The following AKT1 variants were observed in gnomAD, a reference collection of about 807,000 sequenced individuals.
AKT1 encodes the protein AKT serine/threonine kinase 1.
Under a neutral mutation model 63.1 loss-of-function variants are expected in AKT1, and 21 were observed. The observed-to-expected ratio is 0.33, with a 90% CI of 0.24 to 0.48. The LOEUF is 0.48. Ranked by LOEUF, AKT1 falls within the 20% of genes least tolerant of loss-of-function variation. The pLI is 0.99. For missense variants in AKT1, 382 were observed against 666.0 expected, an observed-to-expected ratio of 0.57 and a Z score of 4.69; for synonymous variants, 257 against 253.1, an observed-to-expected ratio of 1.02 and a Z score of -0.15.
chr14:104,777,730 G>A (rs375775887), intron 4 of AKT1: 3 of 985,556 alleles, frequency 3.0e-6, no homozygotes, highest in Non-Finnish European at 3.6e-6. Context: ...CCAGTGGGGG[G>A]CCTCTGACAT....
At chr14:104,781,536 G>A (rs61995960) in intron 3 of AKT1, among the ~76,000 whole-genome samples, 2,709 of 152,274 alleles carry the variant, frequency 0.018, 30 homozygotes, top group Non-Finnish European at 0.027. Flanking sequence ...CCACGGGGGA[G>A]TTCTTTAATA....
intron 8 of AKT1, chr14:104,774,320 G>A: frequency 2.6e-6 from 1 of 383,436 alleles, no homozygotes; most frequent in Non-Finnish European, 4.9e-6. Flanking sequence ...AGGAGTGTTT[G>A]AAAGGTGAGC....
intron 3 of AKT1, among the ~76,000 whole-genome samples, chr14:104,790,334 C>A (rs139001969): frequency 0.013 from 1,960 of 152,286 alleles, 30 homozygotes; most frequent in African/African-American, 0.044. Context: ...GGAGGACAGT[C>A]ACTGCGTCCC....
At chr14:104,793,065 A>C (rs1049203164) in intron 2 of AKT1, 62 bp downstream of exon 2, 56 of 237,842 alleles carry the variant, frequency 2.4e-4, no homozygotes, top group African/African-American at 4.3e-4. Flanking sequence ...CCCCATTCCC[A>C]CCTCCCCCAG....
intron 14 of AKT1, 128 bp downstream of exon 14, chr14:104,770,617 C>T: frequency 4.9e-6 from 5 of 1,014,368 alleles, no homozygotes; most frequent in Non-Finnish European, 7.3e-6. Flanking sequence ...ATCATTGGCA[C>T]TCTCCAAAAG....
At chr14:104,772,000 G>A (rs1892414390) in intron 13 of AKT1, 1 of 427,298 alleles carries the variant, frequency 2.3e-6, no homozygotes, top group African/African-American at 2.0e-5. Context: ...GAGGCCAAGG[G>A]GCAGCACCCC....
intron 3 of AKT1, among the ~76,000 whole-genome samples, chr14:104,785,911 T>TG (rs1468901481): frequency 6.6e-6 from 1 of 152,016 alleles, no homozygotes; most frequent in Non-Finnish European, 1.5e-5. Flanking sequence ...TCCATTCTCC[T>TG]GGGGCTCTAC....
intron 3 of AKT1, among the ~76,000 whole-genome samples, chr14:104,781,810 T>G (rs1235127920): frequency 2.0e-5 from 3 of 152,138 alleles, no homozygotes; most frequent in Non-Finnish European, 4.4e-5. Context: ...CACAGCCCAC[T>G]CATAGCTGCC....
At chr14:104,786,810 C>T (rs952926615) in intron 3 of AKT1, among the ~76,000 whole-genome samples, 5 of 152,144 alleles carry the variant, frequency 3.3e-5, no homozygotes, top group Non-Finnish European at 7.4e-5. Context: ...CAAGCTTGTG[C>T]AGCTCAGCGT....
At chr14:104,774,117 A>AC in intron 8 of AKT1, 137 bp from the exon 9 acceptor site, 1 of 766,392 alleles carries the variant, frequency 1.3e-6, no homozygotes, top group African/African-American at 1.7e-5. Flanking sequence ...ACTGCCCGAC[A>AC]CCACGCTGCC....
Position 104,770,715 on chromosome 14 carries a change from A to G in AKT1, c.1363+30T>C, listed in dbSNP as rs538965403. On this transcript the variant is annotated intron_variant, in intron 14 of 14. Coordinates refer to ENST00000649815, the MANE Select transcript of AKT1 (RefSeq NM_001382430.1). Reference sequence around the variant, plus strand: ...CTCTCTGAGTGTGGAGAGAAAAGGGAGTGGGCGGGGGCAGGCAGTGGCCCC... The same window carrying G: ...CTCTCTGAGTGTGGAGAGAAAAGGGGGTGGGCGGGGGCAGGCAGTGGCCCC... 7 of 1,580,806 alleles carry G rather than the reference A, an allele frequency of 4.4e-6. No individual in the cohort carries two copies. In the South Asian group the frequency reaches 7.7e-5, roughly 17 times the overall value.
rs781113409 is a variant in AKT1, at chr14:104,780,087, C to T, written c.175+1G>A. On this transcript the variant is annotated splice_donor_variant, in intron 4 of 14. Coordinates refer to ENST00000649815, the MANE Select transcript of AKT1 (RefSeq NM_001382430.1). LOFTEE classifies it high-confidence loss of function. Reference sequence around the variant, plus strand: ...TCCCGAGAGGCCAAGGGGATACTTACGCGCCACAGAGAAGTTGTTGAGGGG... The same window carrying T: ...TCCCGAGAGGCCAAGGGGATACTTATGCGCCACAGAGAAGTTGTTGAGGGG... 5 of 1,613,130 alleles carry T rather than the reference C, an allele frequency of 3.1e-6. No homozygotes were observed. Among genetic ancestry groups the T allele is most frequent in the African/African-American group, 2.7e-5 (2 of 74,916 alleles).
chr14:104,792,857 C>A, intron 2 of AKT1, 135 bp from the exon 3 acceptor site: 1 of 619,780 alleles, frequency 1.6e-6, no homozygotes, highest in Non-Finnish European at 2.9e-6. Context: ...GGCTGCCATC[C>A]CTCTAAGCTC....
At chr14:104,791,745 G>A (rs1004472232) in intron 3 of AKT1, among the ~76,000 whole-genome samples, 1 of 152,206 alleles carries the variant, frequency 6.6e-6, no homozygotes, top group Admixed American at 6.5e-5. Flanking sequence ...ACGTAAAGCC[G>A]GGGGGCTGCT....
At chr14:104,783,791 A>T (rs917234711) in intron 3 of AKT1, among the ~76,000 whole-genome samples, 11 of 152,132 alleles carry the variant, frequency 7.2e-5, no homozygotes, top group Non-Finnish European at 1.6e-4. Context: ...AGAACCCCCA[A>T]GTCCCCACCC....
In AKT1 at chr14:104,788,670, G is replaced by GC. The variant is rs367707548; in HGVS notation, c.46+3927dup. Among the ~76,000 whole-genome samples the GC allele has an allele frequency of 3.8e-3, 577 of 152,152 alleles. 5 individuals are homozygous for GC. The highest frequency in any genetic ancestry group is 0.013 in the African/African-American group (554 of 41,504). On this transcript the variant is annotated intron_variant, in intron 3 of 14. Transcript: ENST00000649815. The stretch of plus-strand genomic sequence containing the variant: ...GGAACCACTCTCTCCCTGCCTCAGT[G>GC]CCCCCCCGCAGGGACAGCCAGTGCC...
At chr14:104,790,060 C>T (rs1424181392) in intron 3 of AKT1, among the ~76,000 whole-genome samples, 1 of 152,236 alleles carries the variant, frequency 6.6e-6, no homozygotes, top group Non-Finnish European at 1.5e-5. Flanking sequence ...CCCTCACACA[C>T]AGGGCATACC....
chr14:104,788,671 C>G (rs992732318), intron 3 of AKT1, among the ~76,000 whole-genome samples: 2 of 150,906 alleles, frequency 1.3e-5, no homozygotes, highest in Non-Finnish European at 2.9e-5. Context: ...TGCCTCAGTG[C>G]CCCCCCGCAG....
rs1892292386 is a variant in AKT1 at position 104,770,141 on chromosome 14, C to T, written c.*200G>A. The T allele has an allele frequency of 6.5e-6, 4 of 618,136 alleles. No homozygotes were observed. Among genetic ancestry groups the T allele is most frequent in the South Asian group, 1.9e-5 (1 of 52,456 alleles). 38.3% of individuals were successfully genotyped at this position (618,136 alleles called of 1,614,324 possible). On this transcript the variant is annotated 3_prime_UTR_variant, in exon 15 of 15. Transcript: ENST00000649815. The stretch of plus-strand genomic sequence containing the variant: ...AAACTGGATGAAATAAATTAAAACC[C>T]GCAGGATAGTTTTCTTCCCTACCCC...
Sources: allele counts gnomAD v4.1 joint callset (sites outside exome capture counted in the v4.1 genomes callset), GRCh38; gene constraint gnomAD v4.1.1; transcripts MANE v1.5; gene names NCBI Gene and HGNC (gene_info 2026-07-23, HGNC 2026-07-21).